CCNH: variants seen among roughly 807,000 people sequenced by gnomAD.
CCNH encodes the protein cyclin H.
A neutral mutation model predicts 41.9 loss-of-function variants in CCNH; 31 were observed. The ratio of observed to expected loss-of-function variants is 0.74; its 90% CI spans 0.56 to 1.00. CCNH has a LOEUF of 1.00. Among genes scored for constraint, CCNH ranks in the 50% least tolerant of loss-of-function variants. CCNH has a pLI of 0.00. For synonymous variants in CCNH, 138 were observed against 136.1 expected, an observed-to-expected ratio of 1.01 and a Z score of -0.10; for missense variants, 362 against 388.4, an observed-to-expected ratio of 0.93 and a Z score of 0.57.
chr5:87,404,551 T>C (rs1483223413), intron 5 of CCNH, among the ~76,000 whole-genome samples: 1 of 152,246 alleles, frequency 6.6e-6, no homozygotes, highest in Non-Finnish European at 1.5e-5. Flanking sequence ...AGACATTTGC[T>C]GCACTCAAGT....
chr5:87,385,746 C>T (rs1170235274), intron 9 of CCNH, among the ~76,000 whole-genome samples: 1 of 151,950 alleles, frequency 6.6e-6, no homozygotes, highest in Non-Finnish European at 1.5e-5. Context: ...TTTTTTTAAA[C>T]ACCTACACTT....
chr5:87,392,327 C>CAGTT (rs1429144063), downstream of CCNH: 1 of 455,916 alleles, frequency 2.2e-6, no homozygotes, highest in South Asian at 1.5e-5. Flanking sequence ...CTACAAAAGG[C>CAGTT]AGTTATTTCT....
chr5:87,391,250 C>A (rs1444160924), downstream of CCNH: 2 of 399,720 alleles, frequency 5.0e-6, no homozygotes, highest in Non-Finnish European at 9.3e-6. Flanking sequence ...AGAGAAAGAA[C>A]TATGAAATCA....
At chr5:87,389,744 C>T (rs1341223451), downstream of CCNH, among the ~76,000 whole-genome samples, 1 of 152,166 alleles carries the variant, frequency 6.6e-6, no homozygotes, top group East Asian at 1.9e-4. Context: ...GCTCTTGAGT[C>T]TGAATGTTAA....
chr5:87,377,197 T>C, upstream of CCNH: 1 of 938,598 alleles, frequency 1.1e-6, no homozygotes, highest in South Asian at 1.5e-5. Context: ...TGGATGTCAG[T>C]TCTGATTATG....
At chr5:87,322,439 T>G (rs752877116) in intron 9 of CCNH, among the ~76,000 whole-genome samples, 2 of 152,220 alleles carry the variant, frequency 1.3e-5, no homozygotes, top group African/African-American at 2.4e-5. Context: ...TGAAATCATC[T>G]TCCCTGACCC....
the CCNH span, among the ~76,000 whole-genome samples, chr5:87,311,744 C>T: frequency 3.3e-5 from 5 of 152,202 alleles, no homozygotes; most frequent in Non-Finnish European, 7.3e-5. Context: ...GTGCCCACGT[C>T]GCTGACTTTA....
At chr5:87,338,335 T>A (rs528512442) in intron 9 of CCNH, among the ~76,000 whole-genome samples, 3 of 150,718 alleles carry the variant, frequency 2.0e-5, no homozygotes, top group South Asian at 2.1e-4. Flanking sequence ...TATATTAACA[T>A]TTGTGTTTTC....
chr5:87,320,115 C>T (rs955994349), intron 9 of CCNH, among the ~76,000 whole-genome samples: 17 of 152,174 alleles, frequency 1.1e-4, no homozygotes, highest in African/African-American at 3.9e-4. Context: ...CTCTGGTTCC[C>T]AATAAGTTCC....
downstream of CCNH, among the ~76,000 whole-genome samples, chr5:87,313,893 C>T (rs1421059952): frequency 2.0e-5 from 3 of 152,116 alleles, no homozygotes; most frequent in African/African-American, 4.8e-5. Flanking sequence ...TTGGGCCGGG[C>T]GTGGTGGCTC....
intron 9 of CCNH, chr5:87,346,707 A>G: frequency 6.4e-7 from 1 of 1,552,148 alleles, no homozygotes; most frequent in South Asian, 1.1e-5. Flanking sequence ...CAGGAAGCTT[A>G]TAATTTACTA....
intron 9 of CCNH, among the ~76,000 whole-genome samples, chr5:87,364,694 T>C (rs1396356438): frequency 6.6e-6 from 1 of 152,088 alleles, no homozygotes; most frequent in Non-Finnish European, 1.5e-5. Flanking sequence ...GCACCCTTCT[T>C]GTGGGTTGAA....
downstream of CCNH, among the ~76,000 whole-genome samples, chr5:87,390,214 T>C (rs1470934680): frequency 1.3e-5 from 2 of 152,222 alleles, no homozygotes; most frequent in Non-Finnish European, 2.9e-5. Context: ...ACACTTTGAA[T>C]GTCCTCAGCT....
downstream of CCNH, among the ~76,000 whole-genome samples, chr5:87,388,272 T>C (rs972718362): frequency 5.3e-5 from 8 of 152,230 alleles, no homozygotes; most frequent in African/African-American, 1.9e-4. Context: ...ATAGATAACA[T>C]TGTTTTGCAG....
At chr5:87,315,325 G>A (rs528802042), downstream of CCNH, among the ~76,000 whole-genome samples, 2 of 152,200 alleles carry the variant, frequency 1.3e-5, no homozygotes, top group Non-Finnish European at 2.9e-5. Flanking sequence ...CAAAGTGCAG[G>A]TAGTCACATG....
intron 9 of CCNH, among the ~76,000 whole-genome samples, chr5:87,337,128 A>C (rs1003761242): frequency 5.3e-5 from 8 of 152,094 alleles, no homozygotes; most frequent in African/African-American, 1.9e-4. Flanking sequence ...GTACCATCCA[A>C]CAAATCTGGA....
At chr5:87,397,034 T>C (rs1763019869) in intron 7 of CCNH, among the ~76,000 whole-genome samples, 1 of 152,174 alleles carries the variant, frequency 6.6e-6, no homozygotes, top group African/African-American at 2.4e-5. Flanking sequence ...TAAAATAATT[T>C]TGAAGATCAA....
rs1343628362 is a variant in CCNH at position 87,395,090 on chromosome 5, C to T, written c.887G>A (p.Gly296Asp). The T allele has an allele frequency of 5.6e-6, 9 of 1,611,162 alleles. No homozygotes were observed. The highest frequency in any genetic ancestry group is 7.6e-6 in the Non-Finnish European group (9 of 1,178,142). Residue 296 changes from glycine (G) to aspartate (D), a missense_variant, in exon 8 of 9, where the codon GGC becomes GAC. Physicochemically the swap from Gly to Asp is moderately conservative, Grantham distance 94. Coordinates refer to ENST00000256897, the MANE Select transcript of CCNH (RefSeq NM_001239.4). The part of the protein sequence containing the change: ...ALNVITKKRK[G>D]YEDDDYVSKK... ...TGAGACGTAATCATCATCTTCATAG[C>T]CTTTCCTCTTCTTCCTATAATTAAG...
chr5:87,342,542 A>G (rs1317650454), intron 9 of CCNH, among the ~76,000 whole-genome samples: 3 of 152,118 alleles, frequency 2.0e-5, no homozygotes, highest in South Asian at 4.1e-4. Context: ...ATATATTCCC[A>G]GTTTTCTTTA....
Sources: allele counts gnomAD v4.1 joint callset (sites outside exome capture counted in the v4.1 genomes callset), GRCh38; gene constraint gnomAD v4.1.1; transcripts MANE v1.5; gene names NCBI Gene and HGNC (gene_info 2026-07-23, HGNC 2026-07-21).